ZHX2: variants seen among roughly 807,000 people sequenced by gnomAD.
ZHX2 encodes the protein zinc fingers and homeoboxes 2.
A neutral mutation model predicts 21.9 loss-of-function variants in ZHX2; 6 were observed. The observed-to-expected ratio is 0.27, with a 90% CI of 0.15 to 0.54. ZHX2 has a LOEUF of 0.54. Ranked by LOEUF, ZHX2 falls within the 20% of genes least tolerant of loss-of-function variation. ZHX2 has a pLI of 0.95. For missense variants in ZHX2, 908 were observed against 1,090.7 expected (o/e 0.83, Z 2.36); for synonymous variants, 434 against 437.1 (o/e 0.99, Z 0.09).
chr8:122,883,160 G>A (rs918724546), intron 2 of ZHX2, among the ~76,000 whole-genome samples: 9 of 151,846 alleles, frequency 5.9e-5, no homozygotes, highest in South Asian at 2.1e-4. Flanking sequence ...CTCATCTGCC[G>A]TGCAGCAACC....
chr8:122,858,634 CTTTCTTTTTTTTTT>C (rs983864308), intron 1 of ZHX2, among the ~76,000 whole-genome samples: 5 of 124,054 alleles, frequency 4.0e-5, no homozygotes, highest in African/African-American at 1.2e-4. Flanking sequence ...TTTTTTCTTT[CTTTCTTTTTTTTTT>C]TTTTTTTTTT....
At chr8:122,795,059 A>C (rs1817592456) in intron 1 of ZHX2, among the ~76,000 whole-genome samples, 1 of 152,244 alleles carries the variant, frequency 6.6e-6, no homozygotes, top group South Asian at 2.1e-4. Flanking sequence ...TCCCAGCACC[A>C]GCACAGGGCT....
In ZHX2 at chr8:122,953,498, C is replaced by A. The variant is rs1427214905; in HGVS notation, c.1988C>A (p.Ala663Asp). 6.2e-7 allele frequency: 1 copy of A among 1,614,220 alleles called. No homozygotes were observed. Among genetic ancestry groups the A allele is most frequent in the Non-Finnish European group, 8.5e-7 (1 of 1,180,046 alleles). ...PTPQEYDQLA[A>D]KTGLVRTEIV... The stretch of plus-strand genomic sequence containing the variant: ...CCCCAGGAGTACGACCAGTTAGCGG[C>A]CAAGACTGGCCTGGTCCGAACTGAG... The change falls in exon 3 of 4, where the codon GCC becomes GAC. Residue 663 changes from alanine (A) to aspartate (D), a missense_variant. This residue lies in a region of ZHX2 where 431 missense variants were observed against 428.6 expected (regional missense o/e 1.01). Transcript: ENST00000314393. The surrounding 1 kb of genome is among the most constrained non-coding windows in gnomAD (Gnocchi z 4.6).
rs1341783392 is a variant in ZHX2, at chr8:122,928,906, A to G, written c.-219-22386A>G. Among the ~76,000 whole-genome samples, 3 of 152,220 alleles carry G rather than the reference A, an allele frequency of 2.0e-5. No individual in the cohort carries two copies. The East Asian group carries it at 5.8e-4, about 29-fold the overall frequency. ...TGACTTGGGACAAGGTGAGTTTTCC[A>G]TAAAGATAGGACATCCTATTATTTT... On this transcript the variant is annotated intron_variant, in intron 2 of 3. Coordinates refer to ENST00000314393, the MANE Select transcript of ZHX2 (RefSeq NM_014943.5).
Position 122,952,458 on chromosome 8 carries a change from G to T in ZHX2, c.948G>T (p.Lys316Asn), listed in dbSNP as rs748241948. ...TCTGGTTTGCCACCCAGCGCTTAAA[G>T]CATGGCATCAGCTGGTCCCCAGAAG... The part of the protein sequence containing the change: ...IRIWFATQRL[K>N]HGISWSPEEV... The change falls in exon 3 of 4, where the codon AAG (lysine) becomes AAT (asparagine). Residue 316 changes from lysine to asparagine, a missense_variant. Physicochemically the swap from Lys to Asn is moderately conservative, Grantham distance 94 (BLOSUM62 0). This residue lies in a region of ZHX2 where 232 missense variants were observed against 361.8 expected (regional missense o/e 0.64). Transcript: ENST00000314393. This position sits in a 1 kb window ranked among gnomAD's most constrained non-coding sequence, Gnocchi z 6.9. 1 of 1,614,200 alleles carries T rather than the reference G, an allele frequency of 6.2e-7. No homozygotes were observed. Among genetic ancestry groups the T allele is most frequent in the South Asian group, 1.1e-5 (1 of 91,074 alleles).
intron 2 of ZHX2, among the ~76,000 whole-genome samples, chr8:122,877,539 G>A (rs1158775986): frequency 6.6e-6 from 1 of 152,210 alleles, no homozygotes; most frequent in East Asian, 1.9e-4. Flanking sequence ...TGCGGAACTT[G>A]TCCTAGGTCC....
chr8:122,858,649 T>C (rs939818015), intron 1 of ZHX2, among the ~76,000 whole-genome samples: 3 of 147,338 alleles, frequency 2.0e-5, no homozygotes, highest in African/African-American at 7.5e-5. Flanking sequence ...TTTTTTTTTT[T>C]TTTTTTTTTG....
At chr8:122,797,738 G>C (rs1449202215) in intron 1 of ZHX2, among the ~76,000 whole-genome samples, 2 of 152,102 alleles carry the variant, frequency 1.3e-5, no homozygotes, top group African/African-American at 4.8e-5. Flanking sequence ...AATTTCTTTT[G>C]CAGCCTATTT....
At chr8:122,857,571 C>T (rs1341723832) in intron 1 of ZHX2, among the ~76,000 whole-genome samples, 1 of 151,844 alleles carries the variant, frequency 6.6e-6, no homozygotes, top group Non-Finnish European at 1.5e-5. Context: ...AACACAGGCT[C>T]TTCTGTACTC....
chr8:122,938,121 G>C (rs1323642527), intron 2 of ZHX2, among the ~76,000 whole-genome samples: 2 of 150,416 alleles, frequency 1.3e-5, no homozygotes, highest in Non-Finnish European at 3.0e-5. Context: ...TTTTAGTAGA[G>C]ACAGGGTTTC....
rs1324993051 is a variant in ZHX2 at position 122,790,505 on chromosome 8, T to C, written c.-283+8559T>C. ...ACTTAGCTACAACATCTGCTGCCCA[T>C]TGTCATGCTAGCCCTCACTGACATC... On this transcript the variant is annotated intron_variant, in intron 1 of 3. Coordinates refer to ENST00000314393, the MANE Select transcript of ZHX2 (RefSeq NM_014943.5). Among the ~76,000 whole-genome samples, 6 of 152,264 alleles carry C rather than the reference T, an allele frequency of 3.9e-5. No individual in the cohort carries two copies. In the South Asian group the frequency reaches 1.0e-3, roughly 26 times the overall value.
intron 2 of ZHX2, among the ~76,000 whole-genome samples, chr8:122,905,677 G>A (rs937262144): frequency 2.2e-4 from 34 of 152,248 alleles, no homozygotes; most frequent in African/African-American, 8.0e-4. Context: ...AGAAGCCTAT[G>A]AGAAGGAAGA....
At chr8:122,862,977 C>T (rs1018501330) in intron 1 of ZHX2, among the ~76,000 whole-genome samples, 2 of 152,136 alleles carry the variant, frequency 1.3e-5, no homozygotes, top group South Asian at 4.1e-4. Flanking sequence ...TCAAAGCACA[C>T]GGGGTTCGCT....
At chr8:122,921,550 G>A (rs1372963462) in intron 2 of ZHX2, among the ~76,000 whole-genome samples, 1 of 152,072 alleles carries the variant, frequency 6.6e-6, no homozygotes, top group South Asian at 2.1e-4. Flanking sequence ...GGTGATTCAC[G>A]CCTGTAATCC....
intron 1 of ZHX2, among the ~76,000 whole-genome samples, chr8:122,839,193 G>A (rs1398838002): frequency 6.6e-6 from 1 of 151,422 alleles, no homozygotes; most frequent in Non-Finnish European, 1.5e-5. Flanking sequence ...ATTGCTCTCT[G>A]TGGGCCCATC....
At chr8:122,843,232 AT>A (rs1486691330) in intron 1 of ZHX2, among the ~76,000 whole-genome samples, 1 of 152,234 alleles carries the variant, frequency 6.6e-6, no homozygotes, top group Non-Finnish European at 1.5e-5. Context: ...ATTTCTCATT[AT>A]TTTACGGAGC....
chr8:122,871,226 G>A (rs999707206), intron 2 of ZHX2, among the ~76,000 whole-genome samples: 6 of 152,084 alleles, frequency 3.9e-5, no homozygotes, highest in Non-Finnish European at 7.4e-5. Context: ...AAGGCTTTTA[G>A]GATCAGCACA....
intron 1 of ZHX2, among the ~76,000 whole-genome samples, chr8:122,854,171 A>G (rs187027453): frequency 6.8e-4 from 103 of 152,292 alleles, no homozygotes; most frequent in African/African-American, 2.2e-3. Context: ...TGGACTTCCA[A>G]TGCAGGGCCA....
At chr8:122,972,124 A>G (rs1813740000) in intron 3 of ZHX2, among the ~76,000 whole-genome samples, 2 of 151,890 alleles carry the variant, frequency 1.3e-5, no homozygotes, top group African/African-American at 2.4e-5. Flanking sequence ...TCTTCCCTCT[A>G]TGCACATCTG....
Sources: allele counts gnomAD v4.1 joint callset (sites outside exome capture counted in the v4.1 genomes callset), GRCh38; gene constraint gnomAD v4.1.1; regional missense constraint gnomAD v4.1.1; non-coding constraint Gnocchi (gnomAD v3.1); transcripts MANE v1.5; gene names NCBI Gene and HGNC (gene_info 2026-07-23, HGNC 2026-07-21).